The following GLIS3 variants were observed in gnomAD, a reference collection of about 807,000 sequenced individuals.
The protein encoded by GLIS3 is GLIS family zinc finger 3, also known as zinc finger protein GLIS3.
A neutral mutation model predicts 78.6 loss-of-function variants in GLIS3; 53 were observed. The observed-to-expected ratio is 0.67, with a 90% CI of 0.54 to 0.85. GLIS3 has a LOEUF of 0.85. Ranked by LOEUF, GLIS3 falls within the 40% of genes least tolerant of loss-of-function variation. GLIS3 has a pLI of 0.00. For missense variants in GLIS3, 1,703 were observed against 1,231.1 expected (o/e 1.38, Z -5.74); for synonymous variants, 684 against 509.9 (o/e 1.34, Z -4.60).
chr9:4,395,763 TTTTTTC>T, the GLIS3 span, among the ~76,000 whole-genome samples: 1 of 137,462 alleles, frequency 7.3e-6, no homozygotes. Context: ...CACCATTTTC[TTTTTTC>T]TTTTTTTCTT....
intron 7 of GLIS3, among the ~76,000 whole-genome samples, chr9:3,896,167 T>A (rs1000608707): frequency 6.6e-6 from 1 of 152,188 alleles, no homozygotes; most frequent in Non-Finnish European, 1.5e-5. Flanking sequence ...GGGCGAAGGT[T>A]TGCAGTGGAT....
the GLIS3 span, among the ~76,000 whole-genome samples, chr9:4,467,742 G>T: frequency 2.0e-5 from 3 of 152,194 alleles, no homozygotes; most frequent in Non-Finnish European, 2.9e-5. Flanking sequence ...CCCAAAGGAA[G>T]ACAGCTCCTC....
At chr9:4,075,574 TCAAAA>T (rs903094255) in intron 4 of GLIS3, among the ~76,000 whole-genome samples, 11 of 152,012 alleles carry the variant, frequency 7.2e-5, no homozygotes, top group African/African-American at 9.7e-5. Context: ...AGACTCCGTC[TCAAAA>T]CAAAACAAAA....
chr9:4,359,071 A>G, the GLIS3 span, among the ~76,000 whole-genome samples: 1 of 152,226 alleles, frequency 6.6e-6, no homozygotes, highest in East Asian at 1.9e-4. Flanking sequence ...GGTTCCAAGT[A>G]CCTCATTCTG....
chr9:3,869,936 C>A (rs138970094), intron 8 of GLIS3, among the ~76,000 whole-genome samples: 1 of 152,144 alleles, frequency 6.6e-6, no homozygotes, highest in South Asian at 2.1e-4. Flanking sequence ...CTTCCTGCAT[C>A]GAGAACTAAA....
At chr9:4,165,892 G>C (rs1835850101) in intron 2 of GLIS3, among the ~76,000 whole-genome samples, 1 of 152,176 alleles carries the variant, frequency 6.6e-6, no homozygotes, top group African/African-American at 2.4e-5. Flanking sequence ...CAATGTTTGG[G>C]GAGGCAGGAA....
chr9:4,438,710 A>G, the GLIS3 span, among the ~76,000 whole-genome samples: 4 of 152,184 alleles, frequency 2.6e-5, no homozygotes, highest in African/African-American at 9.7e-5. Context: ...ATGGTAGTGA[A>G]TAAGTCTCAC....
At chr9:4,271,353 T>G (rs1275435274) in intron 2 of GLIS3, among the ~76,000 whole-genome samples, 4 of 152,178 alleles carry the variant, frequency 2.6e-5, no homozygotes, top group Non-Finnish European at 4.4e-5. Flanking sequence ...AATCAGAAGT[T>G]ACACACAAAT....
intron 8 of GLIS3, among the ~76,000 whole-genome samples, chr9:3,859,669 T>C (rs1277304226): frequency 6.6e-6 from 1 of 152,202 alleles, no homozygotes; most frequent in Non-Finnish European, 1.5e-5. Flanking sequence ...CTTTTCTAGG[T>C]CCAACCCTGT....
At chr9:4,228,198 C>CAAAAAAA (rs59507597) in intron 2 of GLIS3, among the ~76,000 whole-genome samples, 7 of 107,058 alleles carry the variant, frequency 6.5e-5, no homozygotes, top group East Asian at 2.6e-4. Context: ...TCTAAGGTGG[C>CAAAAAAA]AAAAAAAAAA....
chr9:4,230,263 G>A (rs1425894890), intron 2 of GLIS3, among the ~76,000 whole-genome samples: 2 of 152,176 alleles, frequency 1.3e-5, no homozygotes, highest in Non-Finnish European at 2.9e-5. Flanking sequence ...GAAAGAAACA[G>A]AAATAAAGAA....
At chr9:4,029,152 C>T (rs1485838572) in intron 4 of GLIS3, among the ~76,000 whole-genome samples, 1 of 152,004 alleles carries the variant, frequency 6.6e-6, no homozygotes, top group Non-Finnish European at 1.5e-5. Context: ...TTACTGATAG[C>T]CTCCTCAATA....
chr9:4,427,962 C>G, the GLIS3 span, among the ~76,000 whole-genome samples: 1 of 150,494 alleles, frequency 6.6e-6, no homozygotes, highest in East Asian at 1.9e-4. Context: ...ATAAACAGGC[C>G]CCTTACTACA....
chr9:4,126,830 C>T (rs548803694), intron 2 of GLIS3, among the ~76,000 whole-genome samples: 1 of 152,258 alleles, frequency 6.6e-6, no homozygotes, highest in African/African-American at 2.4e-5. Context: ...ACACTCTGTT[C>T]CCATTTCTAG....
At chr9:3,981,977 T>C (rs1344163733) in intron 4 of GLIS3, among the ~76,000 whole-genome samples, 4 of 152,150 alleles carry the variant, frequency 2.6e-5, no homozygotes, top group Admixed American at 2.6e-4. Flanking sequence ...TTAACAGTTT[T>C]AATCTTATTC....
intron 7 of GLIS3, among the ~76,000 whole-genome samples, chr9:3,892,088 G>GTAGAAAC: frequency 6.6e-6 from 1 of 152,164 alleles, no homozygotes; most frequent in Non-Finnish European, 1.5e-5. Flanking sequence ...CTAGGTGTTA[G>GTAGAAAC]TAGAAACGCC....
upstream of GLIS3, among the ~76,000 whole-genome samples, chr9:4,301,978 G>C (rs1009951872): frequency 3.3e-5 from 5 of 151,104 alleles, no homozygotes; most frequent in African/African-American, 9.7e-5. Flanking sequence ...ATAGTGCTTT[G>C]GTTGAATTTT....
intron 2 of GLIS3, among the ~76,000 whole-genome samples, chr9:4,336,500 G>A (rs1401882745): frequency 3.3e-5 from 1 of 30,116 alleles, no homozygotes; most frequent in African/African-American, 9.4e-5. Context: ...CATGTGTCGG[G>A]GTGTTGATAT....
At chr9:3,908,710 T>TG (rs1554644783) in intron 6 of GLIS3, among the ~76,000 whole-genome samples, 25 of 132,578 alleles carry the variant, frequency 1.9e-4, no homozygotes, top group African/African-American at 6.4e-4. Context: ...GTATTTGTTT[T>TG]TTTTTTTTTT....
Sources: gnomAD v4.1 joint callset for allele counts (sites outside exome capture counted in the v4.1 genomes callset) on GRCh38, gnomAD v4.1.1 for gene constraint, MANE v1.5 for transcripts, NCBI Gene and HGNC (gene_info 2026-07-23, HGNC 2026-07-21) for gene names.